The following MAP7 variants were observed in gnomAD, a reference collection of about 807,000 sequenced individuals.
The protein encoded by MAP7 is ensconsin.
In MAP7, 52 loss-of-function variants were observed where a neutral mutation model predicts 94.8. The observed-to-expected ratio is 0.55, with a 90% CI of 0.44 to 0.69. The LOEUF (loss-of-function observed/expected upper bound fraction) is 0.69, where lower values mean the gene tolerates loss of function less well. Ranked by LOEUF, MAP7 falls within the 30% of genes least tolerant of loss-of-function variation. The pLI, the probability that MAP7 is intolerant of heterozygous loss-of-function variation, is 0.00. For missense variants in MAP7, 940 were observed against 964.6 expected, an observed-to-expected ratio of 0.97 and a Z score of 0.34; for synonymous variants, 350 against 357.0, an observed-to-expected ratio of 0.98 and a Z score of 0.22.
intron 1 of MAP7, among the ~76,000 whole-genome samples, chr6:136,428,572 C>G (rs892479258): frequency 2.6e-5 from 4 of 151,936 alleles, no homozygotes; most frequent in Non-Finnish European, 5.9e-5. Context: ...TCAACATTTT[C>G]TGAAATAAAA....
At chr6:136,542,302 T>C (rs1014846908) in intron 1 of MAP7, among the ~76,000 whole-genome samples, 56 of 152,096 alleles carry the variant, frequency 3.7e-4, no homozygotes, top group Admixed American at 1.3e-3. Flanking sequence ...CTGAATTTTA[T>C]AAAAAAGTAT....
At chr6:136,507,161 T>A (rs535786552) in intron 1 of MAP7, among the ~76,000 whole-genome samples, 6 of 152,122 alleles carry the variant, frequency 3.9e-5, no homozygotes, top group African/African-American at 1.4e-4. Context: ...AGAAAAGTAA[T>A]CCCTGCTCCC....
intron 4 of MAP7, among the ~76,000 whole-genome samples, chr6:136,388,989 T>C (rs940589135): frequency 6.6e-6 from 1 of 152,206 alleles, no homozygotes; most frequent in African/African-American, 2.4e-5. Context: ...ATATAATGCA[T>C]GCTAAAGGAT....
intron 1 of MAP7, among the ~76,000 whole-genome samples, chr6:136,496,618 T>C (rs1041021864): frequency 2.6e-5 from 4 of 151,624 alleles, no homozygotes; most frequent in African/African-American, 9.7e-5. Context: ...CAATATTACA[T>C]ATGTTAACTT....
chr6:136,501,296 C>G (rs1201468456), intron 1 of MAP7, among the ~76,000 whole-genome samples: 1 of 152,218 alleles, frequency 6.6e-6, no homozygotes, highest in East Asian at 1.9e-4. Context: ...GCACTCACTT[C>G]CTCTCCAGTT....
intron 3 of MAP7, among the ~76,000 whole-genome samples, chr6:136,398,399 A>G (rs1190814382): frequency 6.6e-6 from 1 of 152,248 alleles, no homozygotes; most frequent in Non-Finnish European, 1.5e-5. Flanking sequence ...AAATGCAGAT[A>G]ATGACAGCCT....
At chr6:136,394,274 C>T (rs530928292) in intron 3 of MAP7, among the ~76,000 whole-genome samples, 19 of 152,192 alleles carry the variant, frequency 1.2e-4, no homozygotes, top group African/African-American at 4.1e-4. Flanking sequence ...TGAGCCACCG[C>T]GCCCGGCCAG....
rs1444749711 is a variant in MAP7, at chr6:136,536,172, T to G, written c.67+14170A>C. The stretch of plus-strand genomic sequence containing the variant: ...AAAAATATTCCTAATGCATCAATAA[T>G]TTTTTTAAAAAATATGAAGTATTAA... On this transcript the variant is annotated intron_variant, in intron 1 of 17. Transcript: ENST00000354570. Among the ~76,000 whole-genome samples the G allele has an allele frequency of 2.6e-5, 4 of 152,278 alleles. No individual in the cohort carries two copies. The East Asian group carries it at 7.7e-4, about 29-fold the overall frequency.
intron 6 of MAP7, among the ~76,000 whole-genome samples, chr6:136,381,744 A>G (rs1331488069): frequency 6.6e-6 from 1 of 151,974 alleles, no homozygotes; most frequent in East Asian, 1.9e-4. Flanking sequence ...ATTTCTGCTT[A>G]GTATTCTATT....
chr6:136,503,088 G>T (rs1189735763), intron 1 of MAP7, among the ~76,000 whole-genome samples: 1 of 152,000 alleles, frequency 6.6e-6, no homozygotes, highest in African/African-American at 2.4e-5. Flanking sequence ...ATGCTAATCA[G>T]GCCCAAGGAC....
intron 1 of MAP7, among the ~76,000 whole-genome samples, chr6:136,537,739 C>T (rs1828994930): frequency 6.6e-6 from 1 of 152,038 alleles, no homozygotes; most frequent in East Asian, 1.9e-4. Context: ...AATCTAAACC[C>T]AGGACCCATC....
chr6:136,537,356 C>T (rs939231824), intron 1 of MAP7, among the ~76,000 whole-genome samples: 1 of 152,152 alleles, frequency 6.6e-6, no homozygotes, highest in African/African-American at 2.4e-5. Context: ...GTTTTTCTAT[C>T]CAAAGTTGTT....
intron 3 of MAP7, among the ~76,000 whole-genome samples, chr6:136,401,937 C>T (rs974059919): frequency 6.6e-6 from 1 of 152,188 alleles, no homozygotes; most frequent in African/African-American, 2.4e-5. Context: ...CACTTCAAAT[C>T]CATCCTACAC....
At chr6:136,358,383 C>A (rs1287197325) in intron 15 of MAP7, among the ~76,000 whole-genome samples, 8 of 152,198 alleles carry the variant, frequency 5.3e-5, no homozygotes, top group African/African-American at 1.7e-4. Context: ...TGCCTACTTA[C>A]AGCCTGTGTC....
At chr6:136,418,070 C>T (rs1231366776) in intron 2 of MAP7, among the ~76,000 whole-genome samples, 1 of 152,206 alleles carries the variant, frequency 6.6e-6, no homozygotes, top group Non-Finnish European at 1.5e-5. Context: ...CAGACGTGGA[C>T]AGATGTGTAA....
chr6:136,404,720 C>T (rs1400694170), intron 3 of MAP7, among the ~76,000 whole-genome samples: 1 of 152,254 alleles, frequency 6.6e-6, no homozygotes, highest in East Asian at 1.9e-4. Context: ...CTAGTATGTT[C>T]CAAGGCACTT....
chr6:136,544,442 C>T (rs926400), intron 1 of MAP7, among the ~76,000 whole-genome samples: 9,807 of 152,270 alleles, frequency 0.064, 440 homozygotes, highest in Non-Finnish European at 0.097. Context: ...CTATTTGTAA[C>T]CAAACCAACA....
chr6:136,508,912 A>G (rs1248389603), intron 1 of MAP7, among the ~76,000 whole-genome samples: 1 of 152,224 alleles, frequency 6.6e-6, no homozygotes, highest in East Asian at 1.9e-4. Context: ...TGTCAGAAGA[A>G]TGGAATTCAA....
At chr6:136,382,233 A>G (rs1323683468) in intron 6 of MAP7, among the ~76,000 whole-genome samples, 1 of 152,182 alleles carries the variant, frequency 6.6e-6, no homozygotes, top group Non-Finnish European at 1.5e-5. Flanking sequence ...CACAGCATGG[A>G]CAGGATATTG....
Sources: gnomAD v4.1 joint callset for allele counts (sites outside exome capture counted in the v4.1 genomes callset) on GRCh38, gnomAD v4.1.1 for gene constraint, MANE v1.5 for transcripts, NCBI Gene and HGNC (gene_info 2026-07-23, HGNC 2026-07-21) for gene names.